NRXN3: variants seen among roughly 807,000 people sequenced by gnomAD.
The protein encoded by NRXN3 is neurexin III.
In NRXN3, 32 loss-of-function variants were observed where a neutral mutation model predicts 137.6. The ratio of observed to expected loss-of-function variants is 0.23; its 90% CI spans 0.18 to 0.31. The LOEUF (loss-of-function observed/expected upper bound fraction) is 0.31. Among genes scored for constraint, NRXN3 ranks in the 10% least tolerant of loss-of-function variants. The pLI is 1.00. For synonymous variants in NRXN3, 798 were observed against 784.5 expected, an observed-to-expected ratio of 1.02 and a Z score of -0.29; for missense variants, 1,574 against 2,062.5, an observed-to-expected ratio of 0.76 and a Z score of 4.59.
At chr14:79,254,814 C>T (rs139236291) in intron 15 of NRXN3, among the ~76,000 whole-genome samples, 14 of 151,400 alleles carry the variant, frequency 9.2e-5, no homozygotes, top group East Asian at 1.9e-4. Context: ...CCCTCCCTCC[C>T]TCCCTTCCTT....
intron 19 of NRXN3, among the ~76,000 whole-genome samples, chr14:79,740,769 A>T (rs376867218): frequency 1.3e-4 from 8 of 63,262 alleles, no homozygotes; most frequent in Non-Finnish European, 2.2e-4. Context: ...TATATATATA[A>T]CCTTACTTCT....
intron 7 of NRXN3, among the ~76,000 whole-genome samples, chr14:78,713,156 A>C (rs1366586041): frequency 6.6e-6 from 1 of 152,190 alleles, no homozygotes; most frequent in Non-Finnish European, 1.5e-5. Context: ...GGTCATAAAG[A>C]CATTTAGGAC....
intron 1 of NRXN3, among the ~76,000 whole-genome samples, chr14:78,234,274 C>A (rs146091779): frequency 3.3e-5 from 5 of 152,312 alleles, no homozygotes; most frequent in South Asian, 2.1e-4. Context: ...CCAACATTAG[C>A]CATGCTGCTA....
At chr14:79,173,085 G>C (rs1209193962) in intron 15 of NRXN3, among the ~76,000 whole-genome samples, 1 of 152,146 alleles carries the variant, frequency 6.6e-6, no homozygotes. Context: ...CAAGTGAATT[G>C]AAGACTTAAA....
At chr14:78,741,936 T>A (rs58020951) in intron 8 of NRXN3, among the ~76,000 whole-genome samples, 6,716 of 152,154 alleles carry the variant, frequency 0.044, 353 homozygotes, top group African/African-American at 0.13. Context: ...ATTGTAAAAT[T>A]TTCTTGAACT....
At chr14:78,567,844 A>G (rs1268194449) in intron 4 of NRXN3, among the ~76,000 whole-genome samples, 1 of 152,072 alleles carries the variant, frequency 6.6e-6, no homozygotes, top group Non-Finnish European at 1.5e-5. Context: ...ACTGGGACTT[A>G]TAACTGGAGA....
At chr14:78,810,209 TTTC>T in intron 9 of NRXN3, 106 bp from the exon 10 acceptor site, 1 of 677,008 alleles carries the variant, frequency 1.5e-6, no homozygotes, top group Non-Finnish European at 2.6e-6. Flanking sequence ...AATGGCCACA[TTTC>T]TTACGTGTGT....
intron 19 of NRXN3, among the ~76,000 whole-genome samples, chr14:79,748,340 A>G (rs1316554837): frequency 6.6e-6 from 1 of 152,122 alleles, no homozygotes. Context: ...TGTTTTTCTT[A>G]ATAAACATAT....
chr14:78,672,034 G>T (rs1474169675), intron 6 of NRXN3, among the ~76,000 whole-genome samples: 1 of 152,110 alleles, frequency 6.6e-6, no homozygotes, highest in Non-Finnish European at 1.5e-5. Context: ...ATTGCATAAA[G>T]AATTTACAGC....
chr14:79,005,212 C>T (rs113916761), intron 15 of NRXN3, among the ~76,000 whole-genome samples: 2,667 of 152,292 alleles, frequency 0.018, 79 homozygotes, highest in African/African-American at 0.059. Flanking sequence ...TACGCAGGAG[C>T]TCTTGCCTCA....
At chr14:79,209,445 G>A (rs1210161470) in intron 15 of NRXN3, among the ~76,000 whole-genome samples, 1 of 151,622 alleles carries the variant, frequency 6.6e-6, no homozygotes, top group African/African-American at 2.4e-5. Flanking sequence ...TGGGTAAAGT[G>A]TTATAAATTC....
chr14:78,185,383 T>A (rs1026034484), intron 1 of NRXN3, among the ~76,000 whole-genome samples: 1 of 151,988 alleles, frequency 6.6e-6, no homozygotes, highest in Non-Finnish European at 1.5e-5. Context: ...GGAAGTAGCA[T>A]GATGAAAGGA....
chr14:79,007,602 G>A (rs934485664), intron 15 of NRXN3, among the ~76,000 whole-genome samples: 5 of 151,828 alleles, frequency 3.3e-5, no homozygotes, highest in African/African-American at 7.2e-5. Flanking sequence ...TCAGGAGATC[G>A]AGACCATCCT....
At chr14:79,690,423 T>C (rs1398451037) in intron 17 of NRXN3, among the ~76,000 whole-genome samples, 3 of 152,224 alleles carry the variant, frequency 2.0e-5, no homozygotes, top group South Asian at 2.1e-4. Context: ...TCCATTTTTT[T>C]CTATGAGAAA....
intron 15 of NRXN3, among the ~76,000 whole-genome samples, chr14:79,005,543 C>G (rs1000413775): frequency 3.3e-5 from 5 of 152,136 alleles, no homozygotes; most frequent in Admixed American, 6.5e-5. Context: ...CATCTCAAAC[C>G]TCCCTGGCAA....
chr14:79,020,369 G>A (rs1048209353), intron 15 of NRXN3, among the ~76,000 whole-genome samples: 47 of 150,310 alleles, frequency 3.1e-4, no homozygotes, highest in African/African-American at 1.0e-3. Context: ...AGGTTCAAGC[G>A]ATTCTCCTGC....
intron 15 of NRXN3, among the ~76,000 whole-genome samples, chr14:79,422,738 C>T (rs1032959741): frequency 1.5e-5 from 2 of 136,590 alleles, no homozygotes; most frequent in African/African-American, 5.5e-5. Context: ...CTTGCTCTGT[C>T]ACCCAGGCTG....
intron 5 of NRXN3, 127 bp downstream of exon 5, chr14:78,645,548 A>C: frequency 1.4e-6 from 1 of 721,560 alleles, no homozygotes. Context: ...GTTAACGTCT[A>C]ACTTTCTCCC....
At chr14:78,502,226 C>T (rs1458865702) in intron 4 of NRXN3, among the ~76,000 whole-genome samples, 1 of 152,202 alleles carries the variant, frequency 6.6e-6, no homozygotes, top group African/African-American at 2.4e-5. Flanking sequence ...CCAGCTCCTT[C>T]TCCCAGCACA....
Sources: gnomAD v4.1 joint callset for allele counts (sites outside exome capture counted in the v4.1 genomes callset) on GRCh38, gnomAD v4.1.1 for gene constraint, MANE v1.5 for transcripts, NCBI Gene and HGNC (gene_info 2026-07-23, HGNC 2026-07-21) for gene names.